LHFPL3: variants seen among roughly 807,000 people sequenced by gnomAD.
The protein encoded by LHFPL3 is LHFPL tetraspan subfamily member 3 protein.
In LHFPL3, 5 loss-of-function variants were observed where a neutral mutation model predicts 19.3. The ratio of observed to expected loss-of-function variants is 0.26; its 90% CI spans 0.14 to 0.54. LHFPL3 has a LOEUF of 0.54. Among genes scored for constraint, LHFPL3 ranks in the 20% least tolerant of loss-of-function variants. The pLI, the probability that LHFPL3 is intolerant of heterozygous loss-of-function variation, is 0.94. For missense variants in LHFPL3, 249 were observed against 307.4 expected (o/e 0.81, Z 1.42); for synonymous variants, 133 against 126.2 (o/e 1.05, Z -0.36).
At chr7:104,766,404 G>T (rs1009003322) in intron 2 of LHFPL3, among the ~76,000 whole-genome samples, 1 of 152,140 alleles carries the variant, frequency 6.6e-6, no homozygotes, top group Non-Finnish European at 1.5e-5. Context: ...CTTTCACTTG[G>T]ATTGTTTCTC....
intron 1 of LHFPL3, among the ~76,000 whole-genome samples, chr7:104,528,004 A>G (rs559835951): frequency 4.6e-5 from 7 of 152,318 alleles, no homozygotes; most frequent in African/African-American, 1.2e-4. Context: ...ATTGATCTCT[A>G]TCTTCCTCCA....
At chr7:104,787,745 C>T (rs947173034) in intron 2 of LHFPL3, among the ~76,000 whole-genome samples, 1 of 152,112 alleles carries the variant, frequency 6.6e-6, no homozygotes, top group Non-Finnish European at 1.5e-5. Flanking sequence ...ATAGGGTCTT[C>T]CTGTGTTGCC....
intron 1 of LHFPL3, among the ~76,000 whole-genome samples, chr7:104,511,271 A>G (rs1793807926): frequency 6.6e-6 from 1 of 152,216 alleles, no homozygotes; most frequent in Admixed American, 6.5e-5. Flanking sequence ...GTATCACTAG[A>G]CACCTATCGG....
At chr7:104,680,435 T>A (rs1289293717) in intron 1 of LHFPL3, among the ~76,000 whole-genome samples, 1 of 152,230 alleles carries the variant, frequency 6.6e-6, no homozygotes, top group African/African-American at 2.4e-5. Flanking sequence ...TCATTATTTA[T>A]GCCCAGGATT....
chr7:104,386,700 C>T (rs1790950792), intron 1 of LHFPL3, among the ~76,000 whole-genome samples: 1 of 152,172 alleles, frequency 6.6e-6, no homozygotes, highest in Non-Finnish European at 1.5e-5. Context: ...GACCTCTTGG[C>T]AAAGAATGGG....
chr7:104,681,512 C>T (rs1562964613), intron 1 of LHFPL3, among the ~76,000 whole-genome samples: 1 of 151,956 alleles, frequency 6.6e-6, no homozygotes, highest in Admixed American at 6.6e-5. Context: ...ATCCCAGCTA[C>T]TCAGGAGGCT....
intron 2 of LHFPL3, among the ~76,000 whole-genome samples, chr7:104,777,770 T>C (rs1306225294): frequency 1.3e-5 from 2 of 152,114 alleles, no homozygotes; most frequent in African/African-American, 4.8e-5. Context: ...TTTTTTCCCT[T>C]CGTTCCCTTT....
chr7:104,651,627 T>C (rs538189349), intron 1 of LHFPL3, among the ~76,000 whole-genome samples: 1 of 152,352 alleles, frequency 6.6e-6, no homozygotes, highest in Admixed American at 6.5e-5. Flanking sequence ...TATAAAAGCA[T>C]ACAATAGAAG....
chr7:104,839,480 A>T (rs1041830424), intron 2 of LHFPL3, among the ~76,000 whole-genome samples: 11 of 152,130 alleles, frequency 7.2e-5, no homozygotes, highest in Non-Finnish European at 1.2e-4. Context: ...CAGCCTGGCC[A>T]ATATGGCAAA....
chr7:104,574,672 A>G (rs1790289630), intron 1 of LHFPL3, among the ~76,000 whole-genome samples: 1 of 152,210 alleles, frequency 6.6e-6, no homozygotes, highest in Admixed American at 6.5e-5. Context: ...TACATTTTTG[A>G]TAAATAGAAA....
At chr7:104,680,909 A>G (rs1792682241) in intron 1 of LHFPL3, among the ~76,000 whole-genome samples, 1 of 152,196 alleles carries the variant, frequency 6.6e-6, no homozygotes. Flanking sequence ...CTGGTGTGAA[A>G]TGTTTATTAA....
Position 104,906,433 on chromosome 7 carries a change from G to A in LHFPL3, c.*218G>A, listed in dbSNP as rs1450845448. On this transcript the variant is annotated 3_prime_UTR_variant, in exon 3 of 3. Coordinates refer to ENST00000424859, the MANE Select transcript of LHFPL3 (RefSeq NM_199000.3). ...TTTTCTGGAAAGAGATGTGATCATG[G>A]ATTAAACACCAGCTCATTGGAAACT... The A allele has an allele frequency of 3.5e-6, 2 of 564,020 alleles. No individual in the cohort carries two copies. The highest frequency in any genetic ancestry group is 6.2e-6 in the Non-Finnish European group (2 of 323,324). The allele number at this position is 564,020 out of a possible 1,614,324, so 34.9% of individuals were successfully genotyped here.
chr7:104,459,789 T>G (rs1792622110), intron 1 of LHFPL3, among the ~76,000 whole-genome samples: 1 of 152,236 alleles, frequency 6.6e-6, no homozygotes, highest in African/African-American at 2.4e-5. Context: ...CATTTGATTT[T>G]CCAAGGCAGT....
chr7:104,438,641 A>G (rs1415757831), intron 1 of LHFPL3, among the ~76,000 whole-genome samples: 1 of 152,198 alleles, frequency 6.6e-6, no homozygotes, highest in African/African-American at 2.4e-5. Context: ...CTTACATTAG[A>G]AAGGAAGAAA....
chr7:104,724,721 A>G (rs1047260694), intron 1 of LHFPL3, among the ~76,000 whole-genome samples: 5 of 152,220 alleles, frequency 3.3e-5, no homozygotes, highest in Non-Finnish European at 5.9e-5. Flanking sequence ...AAGTTTACCT[A>G]TGCAACAAAC....
At chr7:104,838,280 T>C (rs1156849179) in intron 2 of LHFPL3, among the ~76,000 whole-genome samples, 5 of 152,214 alleles carry the variant, frequency 3.3e-5, no homozygotes, top group African/African-American at 1.2e-4. Flanking sequence ...AATGGCTAGT[T>C]CTGTGCAAGT....
chr7:104,396,642 GA>G (rs71153193), intron 1 of LHFPL3, among the ~76,000 whole-genome samples: 11,719 of 137,446 alleles, frequency 0.085, 495 homozygotes, highest in Middle Eastern at 0.12. Flanking sequence ...TACAAAATTA[GA>G]AAAAAAAAAA....
At chr7:104,821,729 A>C (rs753078853) in intron 2 of LHFPL3, among the ~76,000 whole-genome samples, 3 of 152,230 alleles carry the variant, frequency 2.0e-5, no homozygotes, top group Non-Finnish European at 4.4e-5. Context: ...TTAAAGGCCT[A>C]AAGTAGCACA....
intron 1 of LHFPL3, among the ~76,000 whole-genome samples, chr7:104,384,383 T>C (rs1048280413): frequency 3.3e-5 from 5 of 152,074 alleles, no homozygotes; most frequent in East Asian, 1.9e-4. Context: ...ACCTGGGTGA[T>C]AGAGGCAAGA....
Sources: allele counts gnomAD v4.1 joint callset (sites outside exome capture counted in the v4.1 genomes callset), GRCh38; gene constraint gnomAD v4.1.1; transcripts MANE v1.5; gene names NCBI Gene and HGNC (gene_info 2026-07-23, HGNC 2026-07-21).